COX7C: variants seen among roughly 807,000 people sequenced by gnomAD.
COX7C encodes the protein cytochrome c oxidase subunit 7C, mitochondrial.
A neutral mutation model predicts 6.4 loss-of-function variants in COX7C; 1 was observed. The observed-to-expected ratio is 0.16, with a 90% CI of 0.06 to 0.74. The LOEUF is 0.74. Ranked by LOEUF, COX7C falls within the 30% of genes least tolerant of loss-of-function variation. The probability of loss-of-function intolerance (pLI) is 0.78; values close to 1 mark genes in which losing one functional copy is unlikely to be tolerated. For synonymous variants in COX7C, 24 were observed against 28.9 expected, an observed-to-expected ratio of 0.83 and a Z score of 0.54; for missense variants, 54 against 73.7, an observed-to-expected ratio of 0.73 and a Z score of 0.98.
chr5:86,618,742 G>A (rs113415560), intron 1 of COX7C, among the ~76,000 whole-genome samples: 2,261 of 152,254 alleles, frequency 0.015, 29 homozygotes, highest in Non-Finnish European at 0.022. Context: ...TAATCGGGAG[G>A]CTAAGGCGTT....
chr5:86,619,349 A>G lies in COX7C; in HGVS notation c.76-4A>G, dbSNP rs879216965. 6.3e-7 allele frequency: 1 copy of G among 1,592,660 alleles called. No individual in the cohort carries two copies. ...CGATTACTTTTTCTCTTTTTTTCCA[A>G]CAGAATTTGCCATTTTCAGTGGAAA... On this transcript the variant is annotated splice_region_variant and splice_polypyrimidine_tract_variant and intron_variant, in intron 1 of 2. Transcript: ENST00000247655.
In COX7C at chr5:86,619,446, A is replaced by G. The variant is rs1338580043; in HGVS notation, c.169A>G (p.Arg57Gly). 1.2e-6 allele frequency: 2 copies of G among 1,610,052 alleles called. No individual in the cohort carries two copies. The highest frequency in any genetic ancestry group is 8.5e-7 in the Non-Finnish European group (1 of 1,176,302). ...ATTTGCTACACCCTTCCTTGTAGTA[A>G]GACACCAACTGCTTAAAACATAAGG... Reference protein sequence around the residue: ...SAFATPFLVVRHQLLKT With the variant: ...SAFATPFLVVGHQLLKT Residue 57 changes from arginine to glycine, a missense_variant, in exon 2 of 3, where the codon AGA (arginine) becomes GGA (glycine). Coordinates refer to ENST00000247655, the MANE Select transcript of COX7C (RefSeq NM_001867.3).
At chr5:86,618,590 G>T (rs1286850937) in intron 1 of COX7C, among the ~76,000 whole-genome samples, 1 of 152,176 alleles carries the variant, frequency 6.6e-6, no homozygotes, top group Non-Finnish European at 1.5e-5. Flanking sequence ...TTTGGCCTCA[G>T]GTGTAAATAA....
intron 2 of COX7C, chr5:86,620,421 C>CTA (rs1750096659): frequency 4.7e-6 from 1 of 214,968 alleles, no homozygotes; most frequent in Non-Finnish European, 1.0e-5. Flanking sequence ...CAGAGTAATA[C>CTA]TATAGAACAC....
intron 2 of COX7C, 25 bp from the exon 3 acceptor site, chr5:86,620,643 A>G (rs988567714): frequency 9.1e-6 from 4 of 439,002 alleles, no homozygotes; most frequent in African/African-American, 2.0e-5. Context: ...TTAAAATGCC[A>G]TTAATTTCTG....
chr5:86,619,645 T>C (rs1340117575), intron 2 of COX7C, 149 bp downstream of exon 2: 2 of 549,198 alleles, frequency 3.6e-6, no homozygotes, highest in Non-Finnish European at 6.5e-6. Context: ...AGACTAGTTG[T>C]AAACCTATAT....
At chr5:86,618,693 C>CA (rs1054625996) in intron 1 of COX7C, among the ~76,000 whole-genome samples, 10 of 151,642 alleles carry the variant, frequency 6.6e-5, no homozygotes, top group East Asian at 1.9e-4. Context: ...AACAAACAAA[C>CA]AAAAAAAACT....
chr5:86,618,213 G>A, intron 1 of COX7C, 83 bp downstream of exon 1: 1 of 1,301,246 alleles, frequency 7.7e-7, no homozygotes, highest in Non-Finnish European at 1.1e-6. Flanking sequence ...CCTCCGGGCT[G>A]TGGCGTGGGA....
chr5:86,619,095 A>T (rs1389548620), intron 1 of COX7C, among the ~76,000 whole-genome samples: 1 of 152,148 alleles, frequency 6.6e-6, no homozygotes, highest in Non-Finnish European at 1.5e-5. Context: ...GAAACTTCTC[A>T]CTATTTGACG....
At chr5:86,618,429 T>G (rs957634361) in intron 1 of COX7C, 4 of 382,448 alleles carry the variant, frequency 1.0e-5, no homozygotes, top group African/African-American at 8.3e-5. Flanking sequence ...GCTGTAGGTG[T>G]GTTGGTTAAA....
intron 1 of COX7C, chr5:86,618,371 C>A (rs956165629): frequency 2.6e-5 from 13 of 492,404 alleles, no homozygotes; most frequent in South Asian, 4.5e-5. Flanking sequence ...ACCTGACGCC[C>A]CCTCCCCCGC....
chr5:86,618,282 A>T, intron 1 of COX7C, 152 bp downstream of exon 1: 1 of 694,846 alleles, frequency 1.4e-6, no homozygotes, highest in South Asian at 1.8e-5. Context: ...CCCAAGGACC[A>T]GTGAGGAAGC....
chr5:86,618,377 C>G, intron 1 of COX7C: 1 of 489,662 alleles, frequency 2.0e-6, no homozygotes, highest in Non-Finnish European at 3.7e-6. Context: ...CGCCCCCTCC[C>G]CCGCCCCGCA....
chr5:86,618,292 C>G (rs1335572242), intron 1 of COX7C, 162 bp downstream of exon 1: 2 of 656,924 alleles, frequency 3.0e-6, no homozygotes, highest in East Asian at 5.6e-5. Flanking sequence ...AGTGAGGAAG[C>G]TGGGCATCCT....
At chr5:86,619,014 G>A (rs1463447953) in intron 1 of COX7C, among the ~76,000 whole-genome samples, 1 of 150,836 alleles carries the variant, frequency 6.6e-6, no homozygotes, top group Non-Finnish European at 1.5e-5. Flanking sequence ...GAGCTGTATT[G>A]CACTTAACAT....
chr5:86,618,973 C>T (rs574720335), intron 1 of COX7C, among the ~76,000 whole-genome samples: 2 of 144,074 alleles, frequency 1.4e-5, no homozygotes, highest in East Asian at 2.0e-4. Flanking sequence ...AGCGGGACTC[C>T]GTCTCAAAAA....
In COX7C at chr5:86,619,233, G is replaced by A. The variant is rs1186628441; in HGVS notation, c.76-120G>A. The A allele has an allele frequency of 1.3e-5, 9 of 679,052 alleles. No individual in the cohort carries two copies. In the East Asian group the frequency reaches 2.3e-4, roughly 17 times the overall value. The allele number at this position is 679,052 out of a possible 1,614,324, so 42.1% of individuals were successfully genotyped here. A position where few individuals can be genotyped will look rare whatever the true frequency, so the allele number is the denominator to read the frequency against. On this transcript the variant is annotated intron_variant, in intron 1 of 2. Transcript: ENST00000247655. Reference sequence around the variant, plus strand: ...TGTTTAAAACGATGTTATGATTTATGGCATATGTTAACCTGATGATGTAAA... The same window carrying A: ...TGTTTAAAACGATGTTATGATTTATAGCATATGTTAACCTGATGATGTAAA...
At position 86,618,001 on chromosome 5, in the gene COX7C, C is replaced by T. The variant is rs189482147; in HGVS notation, c.-55C>T. Reference sequence around the variant, plus strand: ...GAAAAAAAAGGTCTTGGTGAGGTGCCGCCATTTCATCTGTCCTCATTCTCT... The same window carrying T: ...GAAAAAAAAGGTCTTGGTGAGGTGCTGCCATTTCATCTGTCCTCATTCTCT... On this transcript the variant is annotated 5_prime_UTR_variant, in exon 1 of 3. Transcript: ENST00000247655. 9 of 1,563,052 alleles carry T rather than the reference C, an allele frequency of 5.8e-6. No individual in the cohort carries two copies. Among genetic ancestry groups the T allele is most frequent in the Admixed American group, 1.7e-5 (1 of 59,582 alleles).
At chr5:86,619,094 C>G (rs1448904119) in intron 1 of COX7C, among the ~76,000 whole-genome samples, 1 of 152,070 alleles carries the variant, frequency 6.6e-6, no homozygotes, top group Non-Finnish European at 1.5e-5. Flanking sequence ...AGAAACTTCT[C>G]ACTATTTGAC....
Sources: gnomAD v4.1 joint callset for allele counts (sites outside exome capture counted in the v4.1 genomes callset) on GRCh38, gnomAD v4.1.1 for gene constraint, MANE v1.5 for transcripts, NCBI Gene and HGNC (gene_info 2026-07-23, HGNC 2026-07-21) for gene names.